The following PIEZO2 variants were observed in gnomAD, a reference collection of about 807,000 sequenced individuals.
PIEZO2 encodes the protein piezo type mechanosensitive ion channel component 2, also known as piezo-type mechanosensitive ion channel component 2.
A neutral mutation model predicts 337.3 loss-of-function variants in PIEZO2; 172 were observed. That is an observed-to-expected ratio of 0.51 (90% CI 0.45 to 0.58). The LOEUF (loss-of-function observed/expected upper bound fraction) is 0.58. Ranked by LOEUF, PIEZO2 falls within the 20% of genes least tolerant of loss-of-function variation. The pLI is 0.00. For synonymous variants in PIEZO2, 1,251 were observed against 1,228.5 expected (o/e 1.02, Z -0.38); for missense variants, 3,028 against 3,391.3 (o/e 0.89, Z 2.66).
intron 47 of PIEZO2, among the ~76,000 whole-genome samples, chr18:10,692,376 A>T (rs1428958446): frequency 6.6e-6 from 1 of 152,170 alleles, no homozygotes. Context: ...TAAAATTAAG[A>T]TCCATACTTG....
Position 10,877,200 on chromosome 18 carries a change from T to A in PIEZO2, c.330-5785A>T, listed in dbSNP as rs925561592. On this transcript the variant is annotated intron_variant, in intron 4 of 55. Transcript: ENST00000674853. This position sits in a 1 kb window ranked among gnomAD's most constrained non-coding sequence, Gnocchi z 5.3. ...CTCTACAAGATCACCCTGGATGATA[T>A]CCATCCCCAAGGCCCTAATCAGCAT... Among the ~76,000 whole-genome samples, 23 of 152,216 alleles carry A rather than the reference T, an allele frequency of 1.5e-4. No individual in the cohort carries two copies. Among genetic ancestry groups the A allele is most frequent in the African/African-American group, 5.3e-4 (22 of 41,454 alleles).
intron 3 of PIEZO2, among the ~76,000 whole-genome samples, chr18:10,939,521 TA>T (rs2032606935): frequency 6.6e-6 from 1 of 152,150 alleles, no homozygotes; most frequent in African/African-American, 2.4e-5. Flanking sequence ...CCAACCCAAA[TA>T]CCCATCAATG....
chr18:11,105,197 C>T lies in PIEZO2; in HGVS notation c.65-38975G>A, dbSNP rs2039525898. Among the ~76,000 whole-genome samples, 1 of 152,062 alleles carries T rather than the reference C, an allele frequency of 6.6e-6. No homozygotes were observed. The highest frequency in any genetic ancestry group is 2.4e-5 in the African/African-American group (1 of 41,400). On this transcript the variant is annotated intron_variant, in intron 1 of 55. Coordinates refer to ENST00000674853, the MANE Select transcript of PIEZO2 (RefSeq NM_001378183.1). The surrounding 1 kb of genome is among the most constrained non-coding windows in gnomAD (Gnocchi z 4.3). ...CAATAAATCGCCCATTTTCTTTGAC[C>T]ACGATTTGGCTTTGCTTCTGAAACT...
rs1210635181 is a variant in PIEZO2 at position 10,714,773 on chromosome 18, C to T, written c.5414G>A (p.Ser1805Asn). ...TTAGAAAGTGAAATACCTGGAGATA[C>T]TGTCATGTGAATCTAAACTATCCAT... ...HRMDSLDSHD[S>N]ISSCYTEATM... The change falls in exon 39 of 56, where the codon AGT (serine) becomes AAT (asparagine). Residue 1805 changes from serine to asparagine, a missense_variant. Ser to Asn is a conservative substitution (Grantham distance 46). Transcript: ENST00000674853. 1 of 1,537,126 alleles carries T rather than the reference C, an allele frequency of 6.5e-7. No individual in the cohort carries two copies. The highest frequency in any genetic ancestry group is 2.0e-5 in the Admixed American group (1 of 50,984).
At chr18:11,043,733 T>C (rs112031830) in intron 2 of PIEZO2, among the ~76,000 whole-genome samples, 2,004 of 152,234 alleles carry the variant, frequency 0.013, 57 homozygotes, top group African/African-American at 0.045. Context: ...CTTGCTCTGT[T>C]GCCCAGGCTC....
chr18:10,720,234 GTATA>G (rs371910207), intron 36 of PIEZO2, among the ~76,000 whole-genome samples: 1 of 119,914 alleles, frequency 8.3e-6, no homozygotes, highest in East Asian at 2.8e-4. Context: ...GTGTGTGTGT[GTATA>G]TATATATATA....
intron 2 of PIEZO2, among the ~76,000 whole-genome samples, chr18:10,984,457 G>A (rs1314157481): frequency 2.0e-5 from 3 of 151,980 alleles, no homozygotes; most frequent in African/African-American, 7.2e-5. Flanking sequence ...AAAATTTAAT[G>A]GAGAGTTTCA....
At chr18:10,683,181 C>T (rs1187624096) in intron 49 of PIEZO2, among the ~76,000 whole-genome samples, 3 of 152,248 alleles carry the variant, frequency 2.0e-5, no homozygotes, top group East Asian at 3.8e-4. Context: ...AGGAGGGATC[C>T]ATTCATTTCA....
Position 11,110,221 on chromosome 18 carries a change from C to T in PIEZO2, c.64+38304G>A, listed in dbSNP as rs2039690118. On this transcript the variant is annotated intron_variant, in intron 1 of 55. Transcript: ENST00000674853. The surrounding 1 kb of genome is among the most constrained non-coding windows in gnomAD (Gnocchi z 4.2). ...CTCACTGCATCCTGGAATTCCTGGC[C>T]ATCCTTCCACCTCAGCGTCCCAAAG... is the stretch of plus-strand genomic sequence containing the variant. Among the ~76,000 whole-genome samples, 4 of 152,168 alleles carry T rather than the reference C, an allele frequency of 2.6e-5. No individual in the cohort carries two copies. Among genetic ancestry groups the T allele is most frequent in the Admixed American group, 2.6e-4 (4 of 15,290 alleles).
chr18:11,036,019 C>T (rs760421841), intron 2 of PIEZO2, among the ~76,000 whole-genome samples: 1 of 152,184 alleles, frequency 6.6e-6, no homozygotes, highest in African/African-American at 2.4e-5. Flanking sequence ...TCTGTCAATA[C>T]AAGCAAGGCC....
In PIEZO2 at chr18:10,682,501, G is replaced by T. The variant is rs954884038; in HGVS notation, c.7498-209C>A. On this transcript the variant is annotated intron_variant, in intron 49 of 55. Coordinates refer to ENST00000674853, the MANE Select transcript of PIEZO2 (RefSeq NM_001378183.1). The surrounding 1 kb of genome is among the most constrained non-coding windows in gnomAD (Gnocchi z 5.6). ...AGTGATGTGAAGCTGTCCTGAGGTC[G>T]CTCCAGTACCCCCTGGTGGATCCAC... 6.6e-6 allele frequency among the ~76,000 whole-genome samples: 1 copy of T among 152,118 alleles called. No homozygotes were observed. Among genetic ancestry groups the T allele is most frequent in the Non-Finnish European group, 1.5e-5 (1 of 68,022 alleles).
At chr18:10,844,911 C>T (rs1475022016) in intron 7 of PIEZO2, among the ~76,000 whole-genome samples, 1 of 151,890 alleles carries the variant, frequency 6.6e-6, no homozygotes, top group East Asian at 1.9e-4. Context: ...ACTTTCTAGT[C>T]AGGTCACAAG....
At chr18:10,851,409 A>G (rs1389502259) in intron 7 of PIEZO2, among the ~76,000 whole-genome samples, 2 of 152,100 alleles carry the variant, frequency 1.3e-5, no homozygotes, top group Non-Finnish European at 2.9e-5. Context: ...TTAACTTCCA[A>G]TGTCTTACTC....
In PIEZO2 at chr18:11,129,394, T is replaced by C. The variant is rs780029696; in HGVS notation, c.64+19131A>G. Among the ~76,000 whole-genome samples the C allele has an allele frequency of 1.6e-4, 24 of 152,180 alleles. No homozygotes were observed. The highest frequency in any genetic ancestry group is 2.6e-4 in the Non-Finnish European group (18 of 68,030). ...AAAGCGGCAATCAGAATAGTCTCAT[T>C]CGTGTAGAGCTCTGGCATTGGCTAA... On this transcript the variant is annotated intron_variant, in intron 1 of 55. Coordinates refer to ENST00000674853, the MANE Select transcript of PIEZO2 (RefSeq NM_001378183.1). This position sits in a 1 kb window ranked among gnomAD's most constrained non-coding sequence, Gnocchi z 4.6.
intron 2 of PIEZO2, among the ~76,000 whole-genome samples, chr18:10,991,265 T>A (rs1008320212): frequency 5.3e-5 from 8 of 151,612 alleles, no homozygotes; most frequent in African/African-American, 1.7e-4. Context: ...AGTTCTGGGG[T>A]ACATGTACAG....
chr18:11,073,776 A>G (rs11080485), intron 1 of PIEZO2, among the ~76,000 whole-genome samples: 1 of 151,398 alleles, frequency 6.6e-6, no homozygotes, highest in Non-Finnish European at 1.5e-5. Flanking sequence ...CCATCTAGGG[A>G]AAAATATGCC....
At chr18:10,827,485 G>A (rs2040709900) in intron 7 of PIEZO2, among the ~76,000 whole-genome samples, 1 of 151,250 alleles carries the variant, frequency 6.6e-6, no homozygotes, top group Non-Finnish European at 1.5e-5. Context: ...TTCTTGCTTA[G>A]ACCAACATTT....
chr18:10,909,620 G>A (rs1434676567), intron 4 of PIEZO2, among the ~76,000 whole-genome samples: 2 of 152,310 alleles, frequency 1.3e-5, no homozygotes, highest in South Asian at 4.1e-4. Context: ...TCTTTAAAAT[G>A]TTTCAGCCAA....
chr18:10,702,706 C>T (rs763024041), intron 42 of PIEZO2, among the ~76,000 whole-genome samples: 1 of 152,206 alleles, frequency 6.6e-6, no homozygotes, highest in Non-Finnish European at 1.5e-5. Flanking sequence ...TTCTATTCAT[C>T]TTTGTATTCT....
Sources: gnomAD v4.1 joint callset for allele counts (sites outside exome capture counted in the v4.1 genomes callset) on GRCh38, gnomAD v4.1.1 for gene constraint, Gnocchi (gnomAD v3.1) non-coding constraint, MANE v1.5 for transcripts, NCBI Gene and HGNC (gene_info 2026-07-23, HGNC 2026-07-21) for gene names.